MYO7B: variants seen among roughly 807,000 people sequenced by gnomAD.
MYO7B encodes myosin VIIB.
In MYO7B, 212 loss-of-function variants were observed where a neutral mutation model predicts 259.7. The ratio of observed to expected loss-of-function variants is 0.82; its 90% CI spans 0.73 to 0.91. MYO7B has a LOEUF of 0.91. MYO7B is among the 40% of genes least tolerant of loss of function. The pLI is 0.00. For synonymous variants in MYO7B, 1,197 were observed against 1,166.4 expected, an observed-to-expected ratio of 1.03 and a Z score of -0.54; for missense variants, 2,732 against 2,813.5, an observed-to-expected ratio of 0.97 and a Z score of 0.66.
intron 31 of MYO7B, 73 bp downstream of exon 31, chr2:127,625,608 G>T: frequency 7.1e-7 from 1 of 1,401,824 alleles, no homozygotes. Context: ...ATGGTATACA[G>T]AGGAGATGGA....
At chr2:127,574,268 C>T (rs1000834239) in intron 7 of MYO7B, among the ~76,000 whole-genome samples, 1 of 152,214 alleles carries the variant, frequency 6.6e-6, no homozygotes, top group Non-Finnish European at 1.5e-5. Context: ...GGCTTGGTGG[C>T]GCACGCCTCT....
intron 20 of MYO7B, 43 bp downstream of exon 20, chr2:127,605,971 G>T (rs752835998): frequency 6.6e-7 from 1 of 1,509,072 alleles, no homozygotes; most frequent in Admixed American, 1.7e-5. Flanking sequence ...GGACCAGCGG[G>T]TAACTGTCCA....
chr2:127,630,839 A>T lies in MYO7B; in HGVS notation c.4868A>T (p.Glu1623Val). The change falls in exon 36 of 48, where the codon GAG becomes GTG. Residue 1623 changes from glutamate to valine, a missense_variant. By Grantham distance (121) the Glu-to-Val change is moderately radical. Around this residue, in one of 3 missense-constraint regions of MYO7B, gnomAD observed 821 missense variants for 769.3 expected, o/e 1.07. Coordinates refer to ENST00000409816, the MANE Select transcript of MYO7B (RefSeq NM_001393586.1). ...KLAAQEGQFT[E>V]PRPEEPPKEK... ...GCGGCTCAGGAGGGGCAGTTCACAG[A>T]GCCACGTCCTGAGGAGCCACCCAAG... is the stretch of plus-strand genomic sequence containing the variant. 6.2e-7 allele frequency: 1 copy of T among 1,612,832 alleles called. No homozygotes were observed. Among genetic ancestry groups the T allele is most frequent in the Non-Finnish European group, 8.5e-7 (1 of 1,179,662 alleles).
rs746660283 is a variant in MYO7B, at chr2:127,605,924, A to C, written c.2420A>C (p.Lys807Thr). 1.9e-6 allele frequency: 3 copies of C among 1,608,350 alleles called. No homozygotes were observed. The highest frequency in any genetic ancestry group is 2.5e-6 in the Non-Finnish European group (3 of 1,178,834). ...WRGYCNRRNFKLILVGFERLQ... is the reference protein window; with the variant it reads ...WRGYCNRRNFTLILVGFERLQ... ...GGCTACTGCAACAGGAGGAATTTCA[A>C]GCTGGTGAGAGAGCTCTCTGGGGCG... is the stretch of plus-strand genomic sequence containing the variant. Residue 807 changes from lysine (K) to threonine (T), a missense_variant, in exon 20 of 48, where the codon AAG becomes ACG. Lys to Thr is a moderately conservative substitution (Grantham distance 78). Around this residue, in one of 3 missense-constraint regions of MYO7B, gnomAD observed 1,906 missense variants for 2,026.4 expected, o/e 0.94. Transcript: ENST00000409816.
At position 127,584,209 on chromosome 2, in the gene MYO7B, C is replaced by T; in HGVS notation, c.1431C>T (p.Tyr477=). The stretch of plus-strand genomic sequence containing the variant: ...TGTTCACCATGGAGCAAGAGGAGTA[C>T]CGCTCGGAGAACATCTCCTGGGACT... ...QHVFTMEQEE[Y]RSENISWDYI... The change falls in exon 13 of 48, where the codon TAC becomes TAT. Residue 477 remains tyrosine (Y), a synonymous_variant. Transcript: ENST00000409816. The surrounding 1 kb of genome is among the most constrained non-coding windows in gnomAD (Gnocchi z 5.8). 6.2e-7 allele frequency: 1 copy of T among 1,614,006 alleles called. No individual in the cohort carries two copies.
rs1354347192 is a variant in MYO7B, at chr2:127,617,950, CCTAGTCTTTG to C, written c.3399-2383_3399-2374del. ...TTCCTGTCTGTCCCTGCAAGTTTCT[CCTAGTCTTTG>C]CTAGTCCTTGCTAGTCTTTGTCTAT... On this transcript the variant is annotated intron_variant, in intron 26 of 47. Coordinates refer to ENST00000409816, the MANE Select transcript of MYO7B (RefSeq NM_001393586.1). Among the ~76,000 whole-genome samples the C allele has an allele frequency of 2.7e-5, 4 of 150,644 alleles. No individual in the cohort carries two copies. The East Asian group carries it at 5.8e-4, about 22-fold the overall frequency.
intron 1 of MYO7B, among the ~76,000 whole-genome samples, chr2:127,540,254 C>T (rs1692952696): frequency 6.6e-6 from 1 of 151,768 alleles, no homozygotes; most frequent in Admixed American, 6.6e-5. Flanking sequence ...ATCTCCGCCT[C>T]CCGGATTCAA....
At chr2:127,630,638 G>A in intron 35 of MYO7B, 140 bp from the exon 36 acceptor site, 1 of 1,153,360 alleles carries the variant, frequency 8.7e-7, no homozygotes, top group South Asian at 1.6e-5. Context: ...CAGGTGACAG[G>A]GGTGTGGGTA....
Position 127,628,126 on chromosome 2 carries a change from A to G in MYO7B, c.4461-246A>G. On this transcript the variant is annotated intron_variant, in intron 33 of 47. Coordinates refer to ENST00000409816, the MANE Select transcript of MYO7B (RefSeq NM_001393586.1). The surrounding 1 kb of genome is among the most constrained non-coding windows in gnomAD (Gnocchi z 4.8). The stretch of plus-strand genomic sequence containing the variant: ...GGTGTCACTGCACACCAGCCACCTC[A>G]TTATCTGCCCACAGCCAACCCCACA... The G allele has an allele frequency of 1.5e-6, 1 of 656,420 alleles. No homozygotes were observed. Among genetic ancestry groups the G allele is most frequent in the Non-Finnish European group, 2.8e-6 (1 of 356,378 alleles). 40.7% of individuals were successfully genotyped at this position (656,420 alleles called of 1,614,324 possible).
chr2:127,602,560 A>C (rs1478776419), intron 19 of MYO7B, among the ~76,000 whole-genome samples: 2 of 152,098 alleles, frequency 1.3e-5, no homozygotes, highest in Non-Finnish European at 2.9e-5. Context: ...CTGAGGTGGA[A>C]GGATCCTTGA....
In MYO7B at chr2:127,632,353, G is replaced by A; in HGVS notation, c.5357G>A (p.Gly1786Glu). ...HAQKFIDTRRGKLLAPDCSRR... is the reference protein window; with the variant it reads ...HAQKFIDTRREKLLAPDCSRR... ...CAGAAGTTTATAGACACTCGGAGGG[G>A]GAAGCTGCTGGCCCCCGACTGCAGC... Residue 1786 changes from glycine to glutamate, a missense_variant, in exon 39 of 48, where the codon GGG becomes GAG. This residue lies in a region of MYO7B where 821 missense variants were observed against 769.3 expected (regional missense o/e 1.07). Transcript: ENST00000409816. The A allele has an allele frequency of 1.3e-6, 2 of 1,597,600 alleles. No individual in the cohort carries two copies. The highest frequency in any genetic ancestry group is 1.7e-6 in the Non-Finnish European group (2 of 1,171,644).
chr2:127,606,244 T>C (rs981528863), intron 20 of MYO7B, among the ~76,000 whole-genome samples: 1 of 152,242 alleles, frequency 6.6e-6, no homozygotes, highest in Non-Finnish European at 1.5e-5. Flanking sequence ...AGGCAACAAA[T>C]AAGCAAATGG....
At chr2:127,573,455 CCA>C (rs1678731015) in intron 6 of MYO7B, among the ~76,000 whole-genome samples, 2 of 152,242 alleles carry the variant, frequency 1.3e-5, no homozygotes, top group African/African-American at 4.8e-5. Context: ...TTGGCACTCC[CCA>C]TGCCGGCTTG....
Position 127,633,382 on chromosome 2 carries a change from C to A in MYO7B, c.5511+19C>A. The A allele has an allele frequency of 6.2e-7, 1 of 1,607,256 alleles. No homozygotes were observed. Among genetic ancestry groups the A allele is most frequent in the Non-Finnish European group, 8.5e-7 (1 of 1,175,426 alleles). Reference sequence around the variant, plus strand: ...CAGTGAGGTGAGGCCCTGCTCTGGTCTGCACGGCAAGTCTCAGGCCTCCAG... The same window carrying A: ...CAGTGAGGTGAGGCCCTGCTCTGGTATGCACGGCAAGTCTCAGGCCTCCAG... On this transcript the variant is annotated intron_variant, in intron 40 of 47. Transcript: ENST00000409816.
intron 2 of MYO7B, among the ~76,000 whole-genome samples, chr2:127,561,804 T>C (rs1678096456): frequency 6.6e-6 from 1 of 152,176 alleles, no homozygotes; most frequent in Non-Finnish European, 1.5e-5. Context: ...TGGACTGCCA[T>C]AACAAGGTAT....
chr2:127,588,332 C>T, intron 14 of MYO7B, 60 bp from the exon 15 acceptor site: 1 of 1,579,994 alleles, frequency 6.3e-7, no homozygotes, highest in Non-Finnish European at 8.6e-7. Context: ...CCCTCTTCTT[C>T]CCCATGGGTG....
chr2:127,635,280 C>G, intron 43 of MYO7B, 54 bp downstream of exon 43: 1 of 1,511,362 alleles, frequency 6.6e-7, no homozygotes, highest in South Asian at 1.2e-5. Flanking sequence ...CTTCCCACAC[C>G]TGTTCTGAGG....
intron 31 of MYO7B, chr2:127,626,676 G>A (rs1352392209): frequency 7.0e-6 from 2 of 285,844 alleles, no homozygotes; most frequent in Non-Finnish European, 6.7e-6. Flanking sequence ...CTACTCGGGA[G>A]GCTGAGGCAG....
chr2:127,624,410 T>G (rs1573710255), intron 30 of MYO7B, 90 bp downstream of exon 30: 4 of 1,089,466 alleles, frequency 3.7e-6, no homozygotes, highest in Non-Finnish European at 5.2e-6. Context: ...TGAGGCCAGG[T>G]AGAAGGTGGG....
Sources: gnomAD v4.1 joint callset for allele counts (sites outside exome capture counted in the v4.1 genomes callset) on GRCh38, gnomAD v4.1.1 for gene constraint, gnomAD v4.1.1 regional missense constraint, Gnocchi (gnomAD v3.1) non-coding constraint, MANE v1.5 for transcripts, NCBI Gene and HGNC (gene_info 2026-07-23, HGNC 2026-07-21) for gene names.